Variants in NSMCE2 observed in about 807,000 individuals in gnomAD.
The protein encoded by NSMCE2 is E3 SUMO-protein ligase NSE2.
In NSMCE2, 24 loss-of-function variants were observed where a neutral mutation model predicts 23.8. That is an observed-to-expected ratio of 1.01 (90% CI 0.73 to 1.42). The LOEUF is 1.42. Among genes scored for constraint, NSMCE2 ranks in the 40% most tolerant of loss-of-function variants. NSMCE2 has a pLI of 0.00. For missense variants in NSMCE2, 284 were observed against 296.5 expected, an observed-to-expected ratio of 0.96 and a Z score of 0.31; for synonymous variants, 92 against 94.1, an observed-to-expected ratio of 0.98 and a Z score of 0.13.
intron 5 of NSMCE2, among the ~76,000 whole-genome samples, chr8:125,238,490 T>C (rs1825644350): frequency 1.3e-5 from 2 of 152,220 alleles, no homozygotes; most frequent in African/African-American, 4.8e-5. Flanking sequence ...ATTATAACTC[T>C]TAAGCAAATC....
intron 3 of NSMCE2, among the ~76,000 whole-genome samples, chr8:125,132,229 C>A (rs1398742755): frequency 1.3e-5 from 2 of 152,006 alleles, no homozygotes; most frequent in Non-Finnish European, 2.9e-5. Context: ...TCCTGAGTAG[C>A]TGGGACTACA....
intron 4 of NSMCE2, among the ~76,000 whole-genome samples, chr8:125,165,317 A>T (rs1821821804): frequency 6.6e-6 from 1 of 152,236 alleles, no homozygotes. Flanking sequence ...TTCATGCACA[A>T]GGTAGTTGTG....
At chr8:125,222,628 T>C (rs1824915048) in intron 5 of NSMCE2, among the ~76,000 whole-genome samples, 1 of 152,210 alleles carries the variant, frequency 6.6e-6, no homozygotes, top group Admixed American at 6.5e-5. Flanking sequence ...TATTGGTCTT[T>C]ATGTGCCTGG....
intron 4 of NSMCE2, among the ~76,000 whole-genome samples, chr8:125,178,313 A>G (rs889263934): frequency 6.6e-6 from 1 of 152,188 alleles, no homozygotes; most frequent in African/African-American, 2.4e-5. Flanking sequence ...TGCTTAGCAC[A>G]CAGAGAGCAC....
chr8:125,188,918 A>G (rs1356545319), intron 5 of NSMCE2, among the ~76,000 whole-genome samples: 1 of 152,214 alleles, frequency 6.6e-6, no homozygotes, highest in Non-Finnish European at 1.5e-5. Context: ...GTGATTGGAA[A>G]GGTATGTGTG....
chr8:125,095,025 A>G (rs936833767), intron 1 of NSMCE2, among the ~76,000 whole-genome samples: 1 of 151,564 alleles, frequency 6.6e-6, no homozygotes, highest in African/African-American at 2.4e-5. Flanking sequence ...CTAATTTTTT[A>G]TTTTCTGTAA....
chr8:125,300,351 CAG>C lies in NSMCE2; in HGVS notation c.419-56867_419-56866del, dbSNP rs1270866120. Among the ~76,000 whole-genome samples, 3 of 151,828 alleles carry C rather than the reference CAG, an allele frequency of 2.0e-5. No homozygotes were observed. In the East Asian group the frequency reaches 5.8e-4, roughly 29 times the overall value. On this transcript the variant is annotated intron_variant, in intron 5 of 7. Coordinates refer to ENST00000287437, the MANE Select transcript of NSMCE2 (RefSeq NM_173685.4). ...GCTAATTTTTTTGTTTTAGTAGAGA[CAG>C]GGTTTCACCATGTTGCCCAGGCTGG... is the stretch of plus-strand genomic sequence containing the variant.
intron 1 of NSMCE2, among the ~76,000 whole-genome samples, chr8:125,094,121 TGA>T (rs1483437226): frequency 6.6e-6 from 1 of 152,072 alleles, no homozygotes; most frequent in East Asian, 1.9e-4. Flanking sequence ...AGTCTGGAGC[TGA>T]GATTAAGAAT....
intron 5 of NSMCE2, among the ~76,000 whole-genome samples, chr8:125,325,286 C>T (rs972466151): frequency 1.4e-5 from 2 of 146,654 alleles, no homozygotes; most frequent in African/African-American, 4.9e-5. Context: ...AGCCAAACCC[C>T]GTTTCTATTA....
At chr8:125,107,038 A>G (rs6987626) in intron 3 of NSMCE2, among the ~76,000 whole-genome samples, 122 of 152,148 alleles carry the variant, frequency 8.0e-4, no homozygotes, top group African/African-American at 2.9e-3. Flanking sequence ...TACCATTAGC[A>G]ACAAATGCTG....
chr8:125,143,497 C>G (rs1820493983), intron 3 of NSMCE2, among the ~76,000 whole-genome samples: 1 of 152,150 alleles, frequency 6.6e-6, no homozygotes, highest in Non-Finnish European at 1.5e-5. Flanking sequence ...TCAGAGTCTT[C>G]TGAGTATATG....
intron 5 of NSMCE2, among the ~76,000 whole-genome samples, chr8:125,183,707 C>T (rs1422521268): frequency 6.6e-6 from 1 of 151,450 alleles, no homozygotes; most frequent in Non-Finnish European, 1.5e-5. Context: ...CTGAGGCCAA[C>T]AAACCCCTCA....
At chr8:125,115,237 T>G (rs1818945489) in intron 3 of NSMCE2, among the ~76,000 whole-genome samples, 1 of 152,152 alleles carries the variant, frequency 6.6e-6, no homozygotes, top group African/African-American at 2.4e-5. Context: ...AATTAGACCC[T>G]CCCCAACAGC....
chr8:125,336,951 G>A (rs1044541839), intron 5 of NSMCE2, among the ~76,000 whole-genome samples: 1 of 152,238 alleles, frequency 6.6e-6, no homozygotes, highest in Non-Finnish European at 1.5e-5. Flanking sequence ...AGCTAACACT[G>A]TGATTTGGTC....
intron 4 of NSMCE2, among the ~76,000 whole-genome samples, chr8:125,167,436 G>T (rs941343384): frequency 1.3e-5 from 2 of 152,094 alleles, no homozygotes; most frequent in African/African-American, 4.8e-5. Context: ...GGAGGCTGAG[G>T]CGGGCGGATC....
At chr8:125,111,081 A>G (rs182020651) in intron 3 of NSMCE2, among the ~76,000 whole-genome samples, 1 of 152,332 alleles carries the variant, frequency 6.6e-6, no homozygotes, top group East Asian at 1.9e-4. Flanking sequence ...TCTTTCATAC[A>G]TCCACAACTT....
intron 5 of NSMCE2, among the ~76,000 whole-genome samples, chr8:125,282,536 A>G (rs534579932): frequency 4.6e-5 from 7 of 151,890 alleles, no homozygotes; most frequent in Middle Eastern, 3.2e-3. Context: ...TGCTCCACTT[A>G]CTCCTTCGAT....
chr8:125,282,358 C>T (rs1009461230), intron 5 of NSMCE2, among the ~76,000 whole-genome samples: 5 of 152,190 alleles, frequency 3.3e-5, no homozygotes, highest in South Asian at 2.1e-4. Context: ...AAGTGATCTG[C>T]CCACCTTGGC....
rs147356949 is a variant in NSMCE2, at chr8:125,304,792, C to T, written c.419-52427C>T. On this transcript the variant is annotated intron_variant, in intron 5 of 7. Coordinates refer to ENST00000287437, the MANE Select transcript of NSMCE2 (RefSeq NM_173685.4). Reference sequence around the variant, plus strand: ...AGTCTCATCACTGATTCTCATCAAGCGATGAGAATCGCTTGAACCCTGGAG... The same window carrying T: ...AGTCTCATCACTGATTCTCATCAAGTGATGAGAATCGCTTGAACCCTGGAG... Among the ~76,000 whole-genome samples, 300 of 150,096 alleles carry T rather than the reference C, an allele frequency of 2.0e-3. 1 individual carries two copies. Among genetic ancestry groups the T allele is most frequent in the African/African-American group, 6.0e-3 (244 of 40,888 alleles).
Sources: gnomAD v4.1 joint callset for allele counts (sites outside exome capture counted in the v4.1 genomes callset) on GRCh38, gnomAD v4.1.1 for gene constraint, MANE v1.5 for transcripts, NCBI Gene and HGNC (gene_info 2026-07-23, HGNC 2026-07-21) for gene names.